Variants in NBAS observed in about 807,000 individuals in gnomAD.
The protein encoded by NBAS is NAG/BC035112 fusion.
NBAS carries 219 observed loss-of-function variants against 302.5 expected under a neutral mutation model. That is an observed-to-expected ratio of 0.72 (90% CI 0.65 to 0.81). The LOEUF (loss-of-function observed/expected upper bound fraction) is 0.81, where lower values mean the gene tolerates loss of function less well. Among genes scored for constraint, NBAS ranks in the 30% least tolerant of loss-of-function variants. NBAS has a pLI of 0.00. For missense variants in NBAS, 2,932 were observed against 2,841.6 expected, an observed-to-expected ratio of 1.03 and a Z score of -0.72; for synonymous variants, 1,118 against 1,021.6, an observed-to-expected ratio of 1.09 and a Z score of -1.80.
the NBAS span, among the ~76,000 whole-genome samples, chr2:15,150,147 A>G: frequency 1.3e-5 from 2 of 152,160 alleles, no homozygotes; most frequent in African/African-American, 4.8e-5. Flanking sequence ...TTGTGAAATA[A>G]TAAGTAATCC....
chr2:15,091,587 C>A, the NBAS span, among the ~76,000 whole-genome samples: 1 of 150,458 alleles, frequency 6.6e-6, no homozygotes, highest in Non-Finnish European at 1.5e-5. Flanking sequence ...GGCTGGAGTG[C>A]AGTGGCACTA....
chr2:15,166,687 G>A (rs189637729), downstream of NBAS, among the ~76,000 whole-genome samples: 1 of 152,010 alleles, frequency 6.6e-6, no homozygotes, highest in Non-Finnish European at 1.5e-5. Flanking sequence ...TGCCTTGACC[G>A]CCAGGCATTC....
chr2:15,138,790 G>C, the NBAS span, among the ~76,000 whole-genome samples: 2 of 152,164 alleles, frequency 1.3e-5, no homozygotes, highest in South Asian at 2.1e-4. Context: ...GGCTGAACTG[G>C]ACCCATTCAA....
chr2:15,126,994 C>G, the NBAS span, among the ~76,000 whole-genome samples: 2 of 152,288 alleles, frequency 1.3e-5, no homozygotes, highest in East Asian at 1.9e-4. Context: ...CATACAGCTC[C>G]TTGATTTTCC....
the NBAS span, among the ~76,000 whole-genome samples, chr2:15,062,405 A>C: frequency 6.6e-6 from 1 of 152,186 alleles, no homozygotes; most frequent in Non-Finnish European, 1.5e-5. Context: ...TAGAGGAAGG[A>C]TATTTTAAAA....
the NBAS span, among the ~76,000 whole-genome samples, chr2:15,137,041 C>T: frequency 6.6e-6 from 1 of 152,128 alleles, no homozygotes; most frequent in Non-Finnish European, 1.5e-5. Flanking sequence ...TAATACAGTG[C>T]CCTTGCCAAA....
the NBAS span, among the ~76,000 whole-genome samples, chr2:14,789,489 C>T: frequency 6.6e-6 from 1 of 152,108 alleles, no homozygotes; most frequent in African/African-American, 2.4e-5. Flanking sequence ...CCAAGTTCCT[C>T]CAAATTCTAA....
At chr2:15,031,127 G>A in the NBAS span, among the ~76,000 whole-genome samples, 1 of 152,170 alleles carries the variant, frequency 6.6e-6, no homozygotes, top group African/African-American at 2.4e-5. Flanking sequence ...ATAGCAATAT[G>A]CCAATCATTG....
intron 10 of NBAS, among the ~76,000 whole-genome samples, chr2:15,505,133 T>G (rs1340858466): frequency 6.6e-6 from 1 of 152,206 alleles, no homozygotes; most frequent in Non-Finnish European, 1.5e-5. Flanking sequence ...CAAATCCCAA[T>G]GTGTCATCTC....
the NBAS span, among the ~76,000 whole-genome samples, chr2:14,961,527 G>A: frequency 2.4e-4 from 36 of 152,236 alleles, no homozygotes; most frequent in African/African-American, 8.7e-4. Context: ...GAAACCCTCA[G>A]CAGATGCAGA....
chr2:15,165,305 C>T (rs574079459), downstream of NBAS, among the ~76,000 whole-genome samples: 69 of 152,246 alleles, frequency 4.5e-4, no homozygotes, highest in Non-Finnish European at 7.2e-4. Flanking sequence ...TTTTTGGCCG[C>T]GTGGGTCTGT....
At chr2:15,542,983 C>A (rs1490948359) in intron 6 of NBAS, among the ~76,000 whole-genome samples, 3 of 152,204 alleles carry the variant, frequency 2.0e-5, no homozygotes, top group Non-Finnish European at 4.4e-5. Flanking sequence ...TTTCATATAA[C>A]AATGTGAAAA....
chr2:14,846,196 T>C, the NBAS span, among the ~76,000 whole-genome samples: 1 of 152,158 alleles, frequency 6.6e-6, no homozygotes, highest in African/African-American at 2.4e-5. Context: ...AGCTTGAATA[T>C]GTCTGCCAGC....
At chr2:14,789,044 C>T in the NBAS span, among the ~76,000 whole-genome samples, 1 of 152,206 alleles carries the variant, frequency 6.6e-6, no homozygotes, top group Non-Finnish European at 1.5e-5. Context: ...TGGCGGGCGC[C>T]CCTCCCCCAG....
chr2:15,462,231 T>C (rs1462232518), intron 19 of NBAS, among the ~76,000 whole-genome samples: 1 of 152,196 alleles, frequency 6.6e-6, no homozygotes. Flanking sequence ...CACCATGTGC[T>C]AAGGGAGCTG....
chr2:15,487,185 C>G (rs1680665502), intron 12 of NBAS, among the ~76,000 whole-genome samples: 1 of 152,172 alleles, frequency 6.6e-6, no homozygotes, highest in Non-Finnish European at 1.5e-5. Context: ...TTCCCAAATA[C>G]AGAGAGAACA....
At chr2:14,801,443 C>A in the NBAS span, among the ~76,000 whole-genome samples, 1 of 151,882 alleles carries the variant, frequency 6.6e-6, no homozygotes, top group Admixed American at 6.6e-5. Flanking sequence ...TACTATTAAT[C>A]CCATTCAGTA....
At chr2:15,240,571 C>A (rs573945245) in intron 44 of NBAS, among the ~76,000 whole-genome samples, 2 of 151,876 alleles carry the variant, frequency 1.3e-5, no homozygotes, top group African/African-American at 2.4e-5. Context: ...GAGCCGAGAT[C>A]GCACCGCTGC....
At chr2:15,082,875 C>G in the NBAS span, among the ~76,000 whole-genome samples, 2 of 152,146 alleles carry the variant, frequency 1.3e-5, no homozygotes, top group East Asian at 3.9e-4. Context: ...CAAGACATGC[C>G]CACAGTCAGC....
Sources: allele counts gnomAD v4.1 joint callset (sites outside exome capture counted in the v4.1 genomes callset), GRCh38; gene constraint gnomAD v4.1.1; transcripts MANE v1.5; gene names NCBI Gene and HGNC (gene_info 2026-07-23, HGNC 2026-07-21).